IGF2R: variants seen among roughly 807,000 people sequenced by gnomAD.
IGF2R encodes the protein cation-independent mannose-6-phosphate receptor.
IGF2R carries 91 observed loss-of-function variants against 270.6 expected under a neutral mutation model. That is an observed-to-expected ratio of 0.34 (90% CI 0.28 to 0.40). The LOEUF (loss-of-function observed/expected upper bound fraction) is 0.40. Ranked by LOEUF, IGF2R falls within the 10% of genes least tolerant of loss-of-function variation. The pLI, the probability that IGF2R is intolerant of heterozygous loss-of-function variation, is 1.00. For synonymous variants in IGF2R, 1,316 were observed against 1,258.9 expected, an observed-to-expected ratio of 1.05 and a Z score of -0.96; for missense variants, 2,805 against 3,188.3, an observed-to-expected ratio of 0.88 and a Z score of 2.90.
intron 4 of IGF2R, among the ~76,000 whole-genome samples, chr6:160,013,896 G>A (rs1028227948): frequency 5.3e-5 from 8 of 152,062 alleles, no homozygotes; most frequent in Non-Finnish European, 1.2e-4. Flanking sequence ...GGTATGATAA[G>A]TTTAAAACAT....
intron 5 of IGF2R, among the ~76,000 whole-genome samples, chr6:160,025,087 C>G (rs1777530548): frequency 6.6e-6 from 1 of 152,202 alleles, no homozygotes; most frequent in African/African-American, 2.4e-5. Context: ...GACTTGGGTA[C>G]TTGGTCGGGA....
intron 38 of IGF2R, 42 bp from the exon 39 acceptor site, chr6:160,080,087 G>A (rs368107331): frequency 3.4e-5 from 55 of 1,604,540 alleles, no homozygotes; most frequent in South Asian, 4.4e-5. Context: ...TGTGCCTGGC[G>A]AGGCACAGCT....
chr6:160,096,794 G>A (rs1033236168), intron 45 of IGF2R, among the ~76,000 whole-genome samples, 169 bp downstream of exon 45: 1 of 152,192 alleles, frequency 6.6e-6, no homozygotes, highest in African/African-American at 2.4e-5. Flanking sequence ...CCGCTCCGTT[G>A]CTTGTCAGCA....
At chr6:160,025,773 G>A (rs2115225254) in intron 5 of IGF2R, among the ~76,000 whole-genome samples, 1 of 152,234 alleles carries the variant, frequency 6.6e-6, no homozygotes, top group South Asian at 2.1e-4. Flanking sequence ...TGTCTTAAAT[G>A]GGTCTGTAAC....
At chr6:160,099,560 G>T (rs868447816) in intron 45 of IGF2R, among the ~76,000 whole-genome samples, 3 of 152,218 alleles carry the variant, frequency 2.0e-5, no homozygotes, top group African/African-American at 7.2e-5. Context: ...GTAGAGACGG[G>T]GTTTCACCGT....
At chr6:160,086,796 C>T (rs1562374040) in intron 41 of IGF2R, among the ~76,000 whole-genome samples, 1 of 152,212 alleles carries the variant, frequency 6.6e-6, no homozygotes, top group East Asian at 1.9e-4. Context: ...AGTACCTCAG[C>T]CTGTGTCCTG....
intron 32 of IGF2R, 87 bp downstream of exon 32, chr6:160,072,123 G>T: frequency 6.4e-6 from 10 of 1,565,028 alleles, no homozygotes; most frequent in Non-Finnish European, 8.7e-6. Flanking sequence ...GAGACCCAAA[G>T]AGAAGCTATG....
chr6:160,078,022 G>A (rs887056056), intron 36 of IGF2R, among the ~76,000 whole-genome samples, 179 bp from the exon 37 acceptor site: 6 of 152,236 alleles, frequency 3.9e-5, no homozygotes, highest in East Asian at 3.8e-4. Context: ...GGGGGCAAGG[G>A]CAGGGTGATG....
At chr6:160,020,990 A>C (rs997693916) in intron 4 of IGF2R, among the ~76,000 whole-genome samples, 1 of 152,250 alleles carries the variant, frequency 6.6e-6, no homozygotes, top group Non-Finnish European at 1.5e-5. Flanking sequence ...AGCAAAATAC[A>C]TAGTCAGCAG....
At chr6:160,076,741 A>T (rs955048841) in intron 36 of IGF2R, among the ~76,000 whole-genome samples, 1 of 152,214 alleles carries the variant, frequency 6.6e-6, no homozygotes. Flanking sequence ...CTCCTTTGAC[A>T]TGAATGGACT....
chr6:160,089,347 A>T, intron 43 of IGF2R, 94 bp downstream of exon 43: 1 of 1,155,730 alleles, frequency 8.7e-7, no homozygotes, highest in Non-Finnish European at 1.2e-6. Flanking sequence ...TGCAGGATAA[A>T]TAGGTCTGTG....
chr6:160,037,058 T>A (rs553201149), intron 10 of IGF2R, among the ~76,000 whole-genome samples: 35 of 152,308 alleles, frequency 2.3e-4, no homozygotes, highest in Middle Eastern at 3.4e-3. Flanking sequence ...TTTGCCAGAT[T>A]TTTCATGTAA....
intron 1 of IGF2R, among the ~76,000 whole-genome samples, chr6:159,975,742 TTATA>T (rs201752009): frequency 2.7e-5 from 4 of 147,152 alleles, no homozygotes; most frequent in East Asian, 3.9e-4. Context: ...AGCATATTTA[TTATA>T]TATATATTAT....
intron 2 of IGF2R, among the ~76,000 whole-genome samples, chr6:160,002,991 C>T (rs1784152867): frequency 6.6e-6 from 1 of 152,172 alleles, no homozygotes; most frequent in Non-Finnish European, 1.5e-5. Context: ...AGGTAATGTA[C>T]TCACTAAGGA....
At chr6:160,089,080 C>G in intron 42 of IGF2R, 27 bp from the exon 43 acceptor site, 1 of 1,606,524 alleles carries the variant, frequency 6.2e-7, no homozygotes, top group Non-Finnish European at 8.5e-7. Flanking sequence ...GGGGAAGTGA[C>G]TGTAGCCTGT....
In IGF2R at chr6:160,070,033, G is replaced by T. The variant is rs756715139; in HGVS notation, c.4418G>T (p.Arg1473Leu). The change falls in exon 31 of 48, where the codon CGA becomes CTA. Residue 1473 changes from arginine (R) to leucine (L), a missense_variant. Physicochemically the swap from Arg to Leu is moderately radical, Grantham distance 102 (BLOSUM62 -2). Coordinates refer to ENST00000356956, the MANE Select transcript of IGF2R (RefSeq NM_000876.4). ...ATTCGGAAAAAGTCAACCACCATCCGATTCACCTGCAGCGAGAGCCAAGTG... is the reference window on the plus strand; with the variant it reads ...ATTCGGAAAAAGTCAACCACCATCCTATTCACCTGCAGCGAGAGCCAAGTG... ...DGIRKKSTTI[R>L]FTCSESQVNS... 6.2e-7 allele frequency: 1 copy of T among 1,614,230 alleles called. No homozygotes were observed.
At chr6:160,042,324 A>G (rs1262285812) in intron 11 of IGF2R, among the ~76,000 whole-genome samples, 1 of 152,176 alleles carries the variant, frequency 6.6e-6, no homozygotes, top group Non-Finnish European at 1.5e-5. Context: ...ACTTCTCCAA[A>G]TGTACTGTAT....
At chr6:160,081,964 C>T (rs768046766) in intron 39 of IGF2R, among the ~76,000 whole-genome samples, 7 of 152,156 alleles carry the variant, frequency 4.6e-5, no homozygotes, top group African/African-American at 7.2e-5. Flanking sequence ...TCACAGGGTC[C>T]TGAGGCGACA....
chr6:160,078,503 C>A, intron 37 of IGF2R, 141 bp downstream of exon 37: 1 of 765,648 alleles, frequency 1.3e-6, no homozygotes, highest in Non-Finnish European at 2.1e-6. Context: ...TTGGTGCTCT[C>A]GTAGGGCATG....
Sources: allele counts gnomAD v4.1 joint callset (sites outside exome capture counted in the v4.1 genomes callset), GRCh38; gene constraint gnomAD v4.1.1; transcripts MANE v1.5; gene names NCBI Gene and HGNC (gene_info 2026-07-23, HGNC 2026-07-21).